DUSP3: variants seen among roughly 807,000 people sequenced by gnomAD.
DUSP3 encodes the protein dual specificity phosphatase 3, also known as dual specificity protein phosphatase 3.
DUSP3 carries 7 observed loss-of-function variants against 15.5 expected under a neutral mutation model. The observed-to-expected ratio is 0.45, with a 90% confidence interval of 0.26 to 0.85. The LOEUF (loss-of-function observed/expected upper bound fraction) is 0.85, where lower values mean the gene tolerates loss of function less well. DUSP3 is among the 40% of genes least tolerant of loss of function. The pLI is 0.18. For missense variants in DUSP3, 209 were observed against 251.7 expected (o/e 0.83, Z 1.15); for synonymous variants, 86 against 104.2 (o/e 0.83, Z 1.07).
chr17:43,769,933 C>T (rs1974292877), intron 2 of DUSP3, 119 bp from the exon 3 acceptor site: 2 of 1,090,420 alleles, frequency 1.8e-6, no homozygotes, highest in South Asian at 2.9e-5. Context: ...GTGTGCCTGT[C>T]AGAATGGCTA....
chr17:43,773,770 C>G (rs1288536542), intron 2 of DUSP3, among the ~76,000 whole-genome samples: 1 of 151,924 alleles, frequency 6.6e-6, no homozygotes, highest in Non-Finnish European at 1.5e-5. Context: ...GGAGACCAGT[C>G]TAGACAACAT....
chr17:43,778,719 T>C (rs1974424344), intron 1 of DUSP3, 81 bp downstream of exon 1: 2 of 1,390,474 alleles, frequency 1.4e-6, no homozygotes, highest in Non-Finnish European at 1.9e-6. Flanking sequence ...AACCCAAGAC[T>C]CGCGACACCC....
chr17:43,770,885 A>G (rs1974308713), intron 2 of DUSP3, among the ~76,000 whole-genome samples: 2 of 151,328 alleles, frequency 1.3e-5, no homozygotes, highest in African/African-American at 4.9e-5. Context: ...CAGCCTCCTG[A>G]GTAGCTGGGA....
chr17:43,774,644 G>T, intron 2 of DUSP3, 68 bp downstream of exon 2: 2 of 1,534,514 alleles, frequency 1.3e-6, no homozygotes, highest in Non-Finnish European at 1.8e-6. Flanking sequence ...CCTGTTGTGG[G>T]CCTGTTTTCC....
chr17:43,775,057 C>T, intron 1 of DUSP3, 119 bp from the exon 2 acceptor site: 3 of 981,964 alleles, frequency 3.1e-6, no homozygotes, highest in Non-Finnish European at 4.7e-6. Context: ...GCTCTGGCCC[C>T]TGCCAGCTTC....
intron 2 of DUSP3, among the ~76,000 whole-genome samples, chr17:43,771,539 G>A (rs1974320353): frequency 6.6e-6 from 1 of 152,020 alleles, no homozygotes; most frequent in Non-Finnish European, 1.5e-5. Flanking sequence ...TTAAAGGAGA[G>A]GACACATGAA....
intron 1 of DUSP3, among the ~76,000 whole-genome samples, chr17:43,777,049 T>C (rs1974398099): frequency 6.6e-6 from 1 of 152,166 alleles, no homozygotes; most frequent in Non-Finnish European, 1.5e-5. Flanking sequence ...CTTGGCTCAC[T>C]GTAACCTCCA....
chr17:43,770,253 C>T (rs981659770), intron 2 of DUSP3, among the ~76,000 whole-genome samples: 1 of 152,220 alleles, frequency 6.6e-6, no homozygotes, highest in Non-Finnish European at 1.5e-5. Context: ...AGGACAAATA[C>T]AAAGAATGAC....
intron 2 of DUSP3, chr17:43,774,111 TAAAAAAA>T (rs556992898): frequency 4.2e-4 from 27 of 64,892 alleles, no homozygotes; most frequent in Non-Finnish European, 7.3e-4. Flanking sequence ...AAACTCCATC[TAAAAAAA>T]AAAAAAAAAA....
At chr17:43,774,363 A>T (rs1974359081) in intron 2 of DUSP3, among the ~76,000 whole-genome samples, 2 of 152,140 alleles carry the variant, frequency 1.3e-5, no homozygotes, top group Admixed American at 6.6e-5. Context: ...ATGCTCCTTC[A>T]CCTCAGGACT....
chr17:43,773,603 AG>A (rs2154590659), intron 2 of DUSP3, among the ~76,000 whole-genome samples: 1 of 152,288 alleles, frequency 6.6e-6, no homozygotes, highest in Non-Finnish European at 1.5e-5. Flanking sequence ...TCTCCTTGCC[AG>A]GCAATCACGT....
In DUSP3 at chr17:43,769,523, AGT is replaced by A; in HGVS notation, c.*84_*85del. 7.5e-6 allele frequency: 11 copies of A among 1,467,178 alleles called. No homozygotes were observed. The highest frequency in any genetic ancestry group is 1.2e-5 in the South Asian group (1 of 86,226). 90.9% of individuals were successfully genotyped at this position (1,467,178 alleles called of 1,614,324 possible). A position where few individuals can be genotyped will look rare whatever the true frequency, so the allele number is the denominator to read the frequency against. Reference sequence around the variant, plus strand: ...CCTTGTGATGCTGGGAGCAGGGTACAGTGTGTTTCCTAAACATGGCAGCTCGG... The same window carrying A: ...CCTTGTGATGCTGGGAGCAGGGTACAGTGTTTCCTAAACATGGCAGCTCGG... On this transcript the variant is annotated 3_prime_UTR_variant, in exon 3 of 3. Transcript: ENST00000226004.
chr17:43,778,472 C>T (rs995000104), intron 1 of DUSP3: 1 of 206,112 alleles, frequency 4.9e-6, no homozygotes, highest in East Asian at 1.1e-4. Flanking sequence ...CCGAGGGTCA[C>T]CTGTTAAGTG....
chr17:43,766,719 GA>G lies in DUSP3; in HGVS notation c.*2889del, dbSNP rs1180274279. On this transcript the variant is annotated 3_prime_UTR_variant, in exon 3 of 3. Coordinates refer to ENST00000226004, the MANE Select transcript of DUSP3 (RefSeq NM_004090.4). ...AAAAGGGGACCTTAGAGGTCTTCTAGATGAGTCCCCTCATTTGTAGGTGGTG... is the reference window on the plus strand; with the variant it reads ...AAAAGGGGACCTTAGAGGTCTTCTAGTGAGTCCCCTCATTTGTAGGTGGTG... The G allele has an allele frequency of 6.6e-6, 1 of 152,502 alleles. No individual in the cohort carries two copies. Among genetic ancestry groups the G allele is most frequent in the African/African-American group, 2.4e-5 (1 of 41,436 alleles). 9.4% of individuals were successfully genotyped at this position (152,502 alleles called of 1,614,324 possible).
chr17:43,778,531 G>A (rs934853277), intron 1 of DUSP3, among the ~76,000 whole-genome samples: 1 of 152,164 alleles, frequency 6.6e-6, no homozygotes, highest in African/African-American at 2.4e-5. Flanking sequence ...AGCGGGTGGC[G>A]GCTGGGACCC....
intron 1 of DUSP3, 120 bp downstream of exon 1, chr17:43,778,680 C>T: frequency 7.7e-7 from 1 of 1,292,080 alleles, no homozygotes; most frequent in Non-Finnish European, 1.0e-6. Flanking sequence ...CTGTGGCTCC[C>T]GGAGGGGCCA....
chr17:43,776,803 T>G (rs1272171902), intron 1 of DUSP3, among the ~76,000 whole-genome samples: 1 of 152,204 alleles, frequency 6.6e-6, no homozygotes, highest in Non-Finnish European at 1.5e-5. Context: ...AAGGCCTGCT[T>G]GCTGCTTGGT....
rs1974243807 is a variant in DUSP3 at position 43,766,522 on chromosome 17, A to C, written c.*3087T>G. Reference sequence around the variant, plus strand: ...TTTTTTTTTTTTTTTCCTTTAAAACAGTAGCATCTTAACTTGTGGCACAAA... The same window carrying C: ...TTTTTTTTTTTTTTTCCTTTAAAACCGTAGCATCTTAACTTGTGGCACAAA... On this transcript the variant is annotated 3_prime_UTR_variant, in exon 3 of 3. Coordinates refer to ENST00000226004, the MANE Select transcript of DUSP3 (RefSeq NM_004090.4). The C allele has an allele frequency of 6.6e-6, 1 of 150,802 alleles. No homozygotes were observed. Among genetic ancestry groups the C allele is most frequent in the South Asian group, 2.1e-4 (1 of 4,790 alleles). The allele number at this position is 150,802 out of a possible 1,614,324, so 9.3% of individuals were successfully genotyped here.
In DUSP3 at chr17:43,774,702, G is replaced by C. The variant is rs371812103; in HGVS notation, c.352+10C>G. On this transcript the variant is annotated intron_variant, in intron 2 of 2. Coordinates refer to ENST00000226004, the MANE Select transcript of DUSP3 (RefSeq NM_004090.4). ...TGCCTCCCATCTTTTCCTGGTGGGA[G>C]GTCCCTTACCATTCTTTTGAGCCAA... The C allele has an allele frequency of 1.2e-6, 2 of 1,614,086 alleles. No homozygotes were observed. Among genetic ancestry groups the C allele is most frequent in the Non-Finnish European group, 8.5e-7 (1 of 1,179,936 alleles).
Sources: allele counts gnomAD v4.1 joint callset (sites outside exome capture counted in the v4.1 genomes callset), GRCh38; gene constraint gnomAD v4.1.1; transcripts MANE v1.5; gene names NCBI Gene and HGNC (gene_info 2026-07-23, HGNC 2026-07-21).